Variants in MYLK observed in about 807,000 individuals in gnomAD.
The protein encoded by MYLK is myosin light chain kinase.
In MYLK, 106 loss-of-function variants were observed where a neutral mutation model predicts 203.4. The observed-to-expected ratio is 0.52, with a 90% CI of 0.45 to 0.61. The LOEUF (loss-of-function observed/expected upper bound fraction) is 0.61, where lower values mean the gene tolerates loss of function less well. Among genes scored for constraint, MYLK ranks in the 20% least tolerant of loss-of-function variants. MYLK has a pLI of 0.00. For missense variants in MYLK, 2,072 were observed against 2,442.3 expected (o/e 0.85, Z 3.20); for synonymous variants, 867 against 959.5 (o/e 0.90, Z 1.78).
rs961431855 is a variant in MYLK, at chr3:123,667,206, C to T, written c.3653-19G>A. 6.2e-7 allele frequency: 1 copy of T among 1,613,608 alleles called. No homozygotes were observed. On this transcript the variant is annotated intron_variant, in intron 20 of 33. Transcript: ENST00000360304. ...GCATCACCTGAAACAAAGAAGTTCA[C>T]AAGTTATTTCCTGTAGTTCTGTTTT...
In MYLK at chr3:123,633,460, C is replaced by T. The variant is rs143787553; in HGVS notation, c.4962-3834G>A. ...GTCATTATTTGTTAAAAAAATCAAC[C>T]GGTCAACAAATAATGTTAGCATTAA... is the stretch of plus-strand genomic sequence containing the variant. On this transcript the variant is annotated intron_variant, in intron 29 of 33. Coordinates refer to ENST00000360304, the MANE Select transcript of MYLK (RefSeq NM_053025.4). 3.6e-3 allele frequency among the ~76,000 whole-genome samples: 554 copies of T among 152,308 alleles called. 2 individuals carry two copies. The highest frequency in any genetic ancestry group is 0.012 in the African/African-American group (511 of 41,572).
At chr3:123,684,935 G>C (rs1364417154) in intron 19 of MYLK, among the ~76,000 whole-genome samples, 1 of 152,254 alleles carries the variant, frequency 6.6e-6, no homozygotes, top group African/African-American at 2.4e-5. Context: ...CATAGAGGAG[G>C]GAGAAGAAGA....
At chr3:123,732,526 T>C (rs1291165032) in intron 11 of MYLK, among the ~76,000 whole-genome samples, 1 of 152,172 alleles carries the variant, frequency 6.6e-6, no homozygotes, top group East Asian at 1.9e-4. Context: ...ACATAAAAGA[T>C]GTGGGATCCC....
intron 5 of MYLK, among the ~76,000 whole-genome samples, chr3:123,742,175 C>A (rs2062873858): frequency 1.3e-5 from 2 of 152,166 alleles, no homozygotes; most frequent in Admixed American, 6.5e-5. Flanking sequence ...AGGTCTTAGT[C>A]CCATAGCTTT....
At position 123,793,824 on chromosome 3, in the gene MYLK, C is replaced by T. The variant is rs1175815963; in HGVS notation, c.18G>A (p.Leu6=). Residue 6 remains leucine (L), a synonymous_variant, in exon 4 of 34, where the codon CTG becomes CTA. Transcript: ENST00000360304. Reference sequence around the variant, plus strand: ...TTTTGGAAATGTGTGACGAGGCAACCAGCTTCACATCCCCCATGGTCTGCA... The same window carrying T: ...TTTTGGAAATGTGTGACGAGGCAACTAGCTTCACATCCCCCATGGTCTGCA... MGDVK[L]VASSHISKTS... 6.2e-7 allele frequency: 1 copy of T among 1,614,194 alleles called. No homozygotes were observed. The highest frequency in any genetic ancestry group is 1.7e-5 in the Admixed American group (1 of 60,028).
chr3:123,780,244 A>G (rs1467330263), intron 4 of MYLK, among the ~76,000 whole-genome samples: 1 of 151,966 alleles, frequency 6.6e-6, no homozygotes, highest in African/African-American at 2.4e-5. Flanking sequence ...GACCAGCCTG[A>G]CCAATGTGGT....
intron 2 of MYLK, among the ~76,000 whole-genome samples, chr3:123,850,028 A>C (rs2030565779): frequency 6.6e-6 from 1 of 152,224 alleles, no homozygotes; most frequent in Non-Finnish European, 1.5e-5. Context: ...TTTGCTGAGA[A>C]GGATGGTTTC....
At chr3:123,839,483 A>T (rs569950507) in intron 2 of MYLK, among the ~76,000 whole-genome samples, 7 of 152,332 alleles carry the variant, frequency 4.6e-5, no homozygotes, top group African/African-American at 1.7e-4. Flanking sequence ...TCATAATGAT[A>T]AAAGGATCAA....
chr3:123,840,564 G>C (rs562823366), intron 2 of MYLK, among the ~76,000 whole-genome samples: 19 of 151,166 alleles, frequency 1.3e-4, no homozygotes, highest in African/African-American at 4.6e-4. Context: ...AATTTTATGA[G>C]AGCAACATTA....
At chr3:123,867,026 T>C (rs1462355102) in intron 2 of MYLK, among the ~76,000 whole-genome samples, 1 of 152,110 alleles carries the variant, frequency 6.6e-6, no homozygotes, top group Non-Finnish European at 1.5e-5. Flanking sequence ...TATGGCTGCA[T>C]CATCCCAGCT....
rs2057297592 is a variant in MYLK at position 123,613,327 on chromosome 3, A to G, written c.*778T>C. ...AGAATCCTGGTTTACAAAGGAAACC[A>G]CATTAGCAAGGATTTTTTTTTTCCC... On this transcript the variant is annotated 3_prime_UTR_variant, in exon 34 of 34. Transcript: ENST00000360304. The G allele has an allele frequency of 7.4e-6, 1 of 135,898 alleles. No homozygotes were observed. The highest frequency in any genetic ancestry group is 2.5e-5 in the African/African-American group (1 of 39,256). 8.4% of individuals were successfully genotyped at this position (135,898 alleles called of 1,614,324 possible).
chr3:123,737,608 C>A (rs1030866238), intron 7 of MYLK, 65 bp from the exon 8 acceptor site: 9 of 1,599,636 alleles, frequency 5.6e-6, no homozygotes, highest in Admixed American at 3.3e-5. Context: ...TGTCCTCCTG[C>A]CTCCTGCCAA....
intron 4 of MYLK, among the ~76,000 whole-genome samples, chr3:123,753,993 C>T (rs1040782104): frequency 1.3e-5 from 2 of 152,230 alleles, no homozygotes; most frequent in East Asian, 3.8e-4. Context: ...ACACCCCCTG[C>T]AAGGTCACAG....
intron 4 of MYLK, among the ~76,000 whole-genome samples, chr3:123,771,191 T>C (rs567004063): frequency 1.4e-4 from 22 of 152,366 alleles, no homozygotes; most frequent in African/African-American, 4.8e-4. Context: ...TCCAGAACTT[T>C]CTCAGGATAT....
chr3:123,754,102 G>A (rs578181051), intron 4 of MYLK, among the ~76,000 whole-genome samples: 3 of 152,296 alleles, frequency 2.0e-5, no homozygotes, highest in South Asian at 2.1e-4. Flanking sequence ...GCTAAAAAGC[G>A]CCGGTCGTTG....
chr3:123,677,018 C>T (rs991465710), intron 20 of MYLK, among the ~76,000 whole-genome samples: 17 of 152,188 alleles, frequency 1.1e-4, no homozygotes, highest in East Asian at 1.9e-4. Context: ...TCTCCCCTCA[C>T]GCAAAATTCC....
intron 16 of MYLK, among the ~76,000 whole-genome samples, chr3:123,706,794 G>T (rs1279729178): frequency 7.0e-6 from 1 of 142,856 alleles, no homozygotes; most frequent in African/African-American, 3.1e-5. Flanking sequence ...TGTGCCTCAT[G>T]GAAATGTAGC....
intron 13 of MYLK, among the ~76,000 whole-genome samples, chr3:123,710,132 A>G (rs1485078144): frequency 2.0e-5 from 3 of 152,196 alleles, no homozygotes; most frequent in Non-Finnish European, 4.4e-5. Context: ...ATGAGTTCTT[A>G]TAAGTTTGTG....
intron 4 of MYLK, among the ~76,000 whole-genome samples, chr3:123,753,626 T>C (rs1303392927): frequency 6.6e-6 from 1 of 152,100 alleles, no homozygotes; most frequent in Non-Finnish European, 1.5e-5. Flanking sequence ...AAGAAAAGAA[T>C]TCACTTTGAG....
Sources: gnomAD v4.1 joint callset for allele counts (sites outside exome capture counted in the v4.1 genomes callset) on GRCh38, gnomAD v4.1.1 for gene constraint, MANE v1.5 for transcripts, NCBI Gene and HGNC (gene_info 2026-07-23, HGNC 2026-07-21) for gene names.